The following CADM2 variants were observed in gnomAD, a reference collection of about 807,000 sequenced individuals.
The protein encoded by CADM2 is cell adhesion molecule 2.
CADM2 carries 12 observed loss-of-function variants against 49.8 expected under a neutral mutation model. The ratio of observed to expected loss-of-function variants is 0.24; its 90% CI spans 0.15 to 0.39. The LOEUF is 0.39. CADM2 is among the 10% of genes least tolerant of loss of function. CADM2 has a pLI of 1.00. For synonymous variants in CADM2, 214 were observed against 175.4 expected (o/e 1.22, Z -1.74); for missense variants, 378 against 492.3 (o/e 0.77, Z 2.20).
At chr3:85,311,048 A>G (rs1251056316) in intron 1 of CADM2, among the ~76,000 whole-genome samples, 2 of 152,168 alleles carry the variant, frequency 1.3e-5, no homozygotes, top group Non-Finnish European at 2.9e-5. Context: ...AGCAGGCAGG[A>G]ACATCCAAAA....
At chr3:84,994,689 T>A (rs2033078964) in intron 1 of CADM2, among the ~76,000 whole-genome samples, 1 of 152,186 alleles carries the variant, frequency 6.6e-6, no homozygotes, top group African/African-American at 2.4e-5. Flanking sequence ...TTAAAAAGTT[T>A]ATTATATTTT....
intron 1 of CADM2, among the ~76,000 whole-genome samples, chr3:85,194,184 A>G (rs2107731218): frequency 6.6e-6 from 1 of 152,136 alleles, no homozygotes; most frequent in South Asian, 2.1e-4. Context: ...TTTGTTGCAT[A>G]TGTAAGTGCG....
chr3:85,948,522 C>A (rs1723013984), intron 7 of CADM2, among the ~76,000 whole-genome samples: 1 of 151,158 alleles, frequency 6.6e-6, no homozygotes, highest in Non-Finnish European at 1.5e-5. Flanking sequence ...TAGAGATGTG[C>A]TATTATTTTA....
chr3:85,359,666 A>ATATATATATT, intron 1 of CADM2, among the ~76,000 whole-genome samples: 8 of 26,550 alleles, frequency 3.0e-4, no homozygotes, highest in Non-Finnish European at 3.3e-4. Flanking sequence ...ATATATATAT[A>ATATATATATT]TTTTTTTTTT....
intron 1 of CADM2, among the ~76,000 whole-genome samples, chr3:85,503,320 T>C (rs1232966264): frequency 6.6e-6 from 1 of 152,190 alleles, no homozygotes; most frequent in Non-Finnish European, 1.5e-5. Context: ...GTCAAATGCA[T>C]TGACAAAACA....
At chr3:85,419,308 A>T (rs1399797734) in intron 1 of CADM2, among the ~76,000 whole-genome samples, 12 of 144,450 alleles carry the variant, frequency 8.3e-5, no homozygotes, top group Non-Finnish European at 1.8e-4. Context: ...ACAAAAAAAA[A>T]TTAGCTGGGC....
chr3:85,373,647 A>C (rs1428020299), intron 1 of CADM2, among the ~76,000 whole-genome samples: 1 of 152,204 alleles, frequency 6.6e-6, no homozygotes, highest in Admixed American at 6.5e-5. Flanking sequence ...CCACCCCTGC[A>C]GCACACCTCT....
At chr3:85,450,105 C>T (rs973606101) in intron 1 of CADM2, among the ~76,000 whole-genome samples, 1 of 151,998 alleles carries the variant, frequency 6.6e-6, no homozygotes, top group Non-Finnish European at 1.5e-5. Flanking sequence ...AGAACTGTTT[C>T]GATGAAACCG....
chr3:85,132,688 A>G (rs2039272787), intron 1 of CADM2, among the ~76,000 whole-genome samples: 1 of 152,062 alleles, frequency 6.6e-6, no homozygotes, highest in African/African-American at 2.4e-5. Context: ...TCAATAATAA[A>G]TTATGCCTTC....
intron 1 of CADM2, among the ~76,000 whole-genome samples, chr3:85,330,382 A>G (rs916044260): frequency 5.3e-5 from 8 of 152,076 alleles, no homozygotes; most frequent in African/African-American, 1.9e-4. Flanking sequence ...CCGTTGTGAA[A>G]TCTTGTTTAA....
At chr3:85,099,713 G>T (rs970489074) in intron 1 of CADM2, among the ~76,000 whole-genome samples, 1 of 151,992 alleles carries the variant, frequency 6.6e-6, no homozygotes, top group Non-Finnish European at 1.5e-5. Context: ...CAGGTGATCC[G>T]CCCGCCTCAG....
intron 1 of CADM2, among the ~76,000 whole-genome samples, chr3:85,263,419 C>A (rs1424716010): frequency 2.0e-5 from 3 of 152,048 alleles, no homozygotes; most frequent in African/African-American, 7.2e-5. Context: ...TCGTATAGTA[C>A]CATACCAGGT....
intron 1 of CADM2, among the ~76,000 whole-genome samples, chr3:85,619,720 T>A (rs1470290062): frequency 6.6e-6 from 1 of 152,208 alleles, no homozygotes; most frequent in Non-Finnish European, 1.5e-5. Flanking sequence ...TATTTTATAA[T>A]CAAGAGGAGA....
At chr3:85,999,541 GGAAA>G in intron 8 of CADM2, among the ~76,000 whole-genome samples, 1 of 142,528 alleles carries the variant, frequency 7.0e-6, no homozygotes, top group South Asian at 2.3e-4. Flanking sequence ...AAGGAAGGAA[GGAAA>G]GAAAGAAGGA....
intron 1 of CADM2, among the ~76,000 whole-genome samples, chr3:85,716,097 T>G (rs182330020): frequency 1.4e-4 from 21 of 152,298 alleles, no homozygotes; most frequent in African/African-American, 3.4e-4. Context: ...TTCCACAATG[T>G]TTGAACTAAT....
intron 1 of CADM2, among the ~76,000 whole-genome samples, chr3:85,284,270 G>A (rs1031147005): frequency 1.3e-5 from 2 of 151,888 alleles, no homozygotes; most frequent in African/African-American, 2.4e-5. Context: ...CACTTATTCA[G>A]CACTAAATAG....
chr3:85,448,657 A>G (rs11922956), intron 1 of CADM2, among the ~76,000 whole-genome samples: 82,910 of 151,872 alleles, frequency 0.55, 24,096 homozygotes, highest in East Asian at 0.83. Flanking sequence ...CTAAGTTTAA[A>G]CAGGTCTGAC....
At chr3:86,054,281 C>T (rs73843586) in intron 8 of CADM2, among the ~76,000 whole-genome samples, 1,664 of 152,062 alleles carry the variant, frequency 0.011, 40 homozygotes, top group African/African-American at 0.038. Flanking sequence ...TTTTAAAACT[C>T]ATAAACATAG....
chr3:85,064,155 A>G (rs1283892619), intron 1 of CADM2, among the ~76,000 whole-genome samples: 1 of 152,146 alleles, frequency 6.6e-6, no homozygotes, highest in Non-Finnish European at 1.5e-5. Context: ...TCTAGGAAGC[A>G]AATTTGTATC....
Sources: allele counts gnomAD v4.1 joint callset (sites outside exome capture counted in the v4.1 genomes callset), GRCh38; gene constraint gnomAD v4.1.1; transcripts MANE v1.5; gene names NCBI Gene and HGNC (gene_info 2026-07-23, HGNC 2026-07-21).